Variants in ARHGAP42 observed in about 807,000 individuals in gnomAD.
The protein encoded by ARHGAP42 is Rho GTPase activating protein 42, also known as rho GTPase-activating protein 42.
Under a neutral mutation model 125.0 loss-of-function variants are expected in ARHGAP42, and 63 were observed. The ratio of observed to expected loss-of-function variants is 0.50; its 90% CI spans 0.41 to 0.62. ARHGAP42 has a LOEUF of 0.62. Among genes scored for constraint, ARHGAP42 ranks in the 20% least tolerant of loss-of-function variants. The pLI is 0.00. For missense variants in ARHGAP42, 766 were observed against 1,024.2 expected, an observed-to-expected ratio of 0.75 and a Z score of 3.44; for synonymous variants, 339 against 351.0, an observed-to-expected ratio of 0.97 and a Z score of 0.38.
At chr11:100,963,266 A>G (rs1289511947) in intron 16 of ARHGAP42, among the ~76,000 whole-genome samples, 1 of 152,170 alleles carries the variant, frequency 6.6e-6, no homozygotes, top group Admixed American at 6.5e-5. Flanking sequence ...TAGATCTGTG[A>G]TTGCCGTCAT....
intron 16 of ARHGAP42, among the ~76,000 whole-genome samples, 177 bp from the exon 17 acceptor site, chr11:100,965,494 A>G (rs1431175149): frequency 1.3e-5 from 2 of 152,220 alleles, no homozygotes; most frequent in Non-Finnish European, 2.9e-5. Flanking sequence ...CTTCATGACC[A>G]TGGGCAAGTT....
At chr11:100,730,933 T>TA (rs1861946767) in intron 1 of ARHGAP42, among the ~76,000 whole-genome samples, 1 of 152,168 alleles carries the variant, frequency 6.6e-6, no homozygotes, top group African/African-American at 2.4e-5. Flanking sequence ...ACAGTAAAAA[T>TA]ACAATATTAT....
intron 1 of ARHGAP42, among the ~76,000 whole-genome samples, chr11:100,702,172 C>T (rs1861408890): frequency 6.6e-6 from 1 of 151,966 alleles, no homozygotes; most frequent in African/African-American, 2.4e-5. Flanking sequence ...GAGAGACATG[C>T]AAATCTTCCT....
intron 3 of ARHGAP42, among the ~76,000 whole-genome samples, chr11:100,799,379 G>A (rs1005490369): frequency 5.3e-5 from 8 of 152,204 alleles, no homozygotes; most frequent in African/African-American, 1.7e-4. Flanking sequence ...TTCTGGTGGG[G>A]CAAAGAAAGG....
intron 4 of ARHGAP42, among the ~76,000 whole-genome samples, chr11:100,893,052 GT>G (rs1866259473): frequency 6.6e-6 from 1 of 152,036 alleles, no homozygotes; most frequent in Admixed American, 6.6e-5. Flanking sequence ...TGCTCATCAT[GT>G]ATTCATCAGA....
At chr11:100,754,744 C>T (rs1459073688) in intron 1 of ARHGAP42, among the ~76,000 whole-genome samples, 1 of 152,196 alleles carries the variant, frequency 6.6e-6, no homozygotes, top group Non-Finnish European at 1.5e-5. Context: ...CCATTCTAAA[C>T]TCCTACCCCT....
chr11:100,884,538 G>T (rs1866037956), intron 4 of ARHGAP42, among the ~76,000 whole-genome samples: 2 of 151,930 alleles, frequency 1.3e-5, no homozygotes, highest in African/African-American at 2.4e-5. Context: ...TAGCAAATTG[G>T]TACAAAATGA....
chr11:100,919,962 G>A (rs757677833), intron 5 of ARHGAP42, among the ~76,000 whole-genome samples: 6 of 152,178 alleles, frequency 3.9e-5, no homozygotes, highest in Non-Finnish European at 8.8e-5. Context: ...AAGACAGCCA[G>A]TTGTTAAACA....
intron 4 of ARHGAP42, among the ~76,000 whole-genome samples, chr11:100,877,951 G>A (rs1323048252): frequency 1.4e-5 from 2 of 145,736 alleles, no homozygotes; most frequent in Non-Finnish European, 3.0e-5. Context: ...ATTGCAGTGA[G>A]CCGAGATCAT....
intron 1 of ARHGAP42, among the ~76,000 whole-genome samples, chr11:100,718,501 A>G (rs1341662961): frequency 6.6e-6 from 1 of 152,248 alleles, no homozygotes; most frequent in African/African-American, 2.4e-5. Flanking sequence ...AGATAAACAA[A>G]TTTGAAACAG....
At chr11:100,783,000 G>T (rs1219253330) in intron 2 of ARHGAP42, among the ~76,000 whole-genome samples, 2 of 152,184 alleles carry the variant, frequency 1.3e-5, no homozygotes, top group Non-Finnish European at 2.9e-5. Context: ...ACAATCAACT[G>T]TGGGGAGCCT....
chr11:100,792,758 T>C (rs1478984266), intron 2 of ARHGAP42, among the ~76,000 whole-genome samples: 4 of 40,554 alleles, frequency 9.9e-5, no homozygotes, highest in Non-Finnish European at 3.1e-4. Flanking sequence ...TTTTCTTTTT[T>C]TTTTTTTTTT....
At chr11:100,785,068 G>T (rs887961837) in intron 2 of ARHGAP42, among the ~76,000 whole-genome samples, 1 of 152,090 alleles carries the variant, frequency 6.6e-6, no homozygotes, top group Non-Finnish European at 1.5e-5. Context: ...GAGCTAGTTT[G>T]CAGACCAAGA....
At chr11:100,903,709 A>AAAAAAAAAAAATAT (rs1332890022) in intron 4 of ARHGAP42, among the ~76,000 whole-genome samples, 58 of 63,464 alleles carry the variant, frequency 9.1e-4, no homozygotes, top group Non-Finnish European at 1.2e-3. Context: ...TGTCCCTCAA[A>AAAAAAAAAAAATAT]ATATATATAT....
At chr11:100,983,270 AT>A (rs1381889708) in intron 22 of ARHGAP42, among the ~76,000 whole-genome samples, 2 of 152,256 alleles carry the variant, frequency 1.3e-5, no homozygotes, top group African/African-American at 4.8e-5. Context: ...AGCCTATTAC[AT>A]ATTAGCACAA....
In ARHGAP42 at chr11:100,871,016, C is replaced by T. The variant is rs1322649694; in HGVS notation, c.384+11391C>T. On this transcript the variant is annotated intron_variant, in intron 4 of 23. Transcript: ENST00000298815. ...ACTTTTGTACACCTTATAATCTATTCTTTGGTACTGTTGTAAATAAATTGT... is the reference window on the plus strand; with the variant it reads ...ACTTTTGTACACCTTATAATCTATTTTTTGGTACTGTTGTAAATAAATTGT... Among the ~76,000 whole-genome samples the T allele has an allele frequency of 2.0e-5, 3 of 150,458 alleles. No homozygotes were observed. The East Asian group carries it at 5.9e-4, about 29-fold the overall frequency.
intron 8 of ARHGAP42, among the ~76,000 whole-genome samples, chr11:100,940,502 A>G (rs1236041305): frequency 1.3e-5 from 2 of 152,142 alleles, no homozygotes; most frequent in East Asian, 1.9e-4. Context: ...GAAACATTGA[A>G]CTACCAATGC....
At chr11:100,806,821 A>ATTTGTTTG (rs1186533000) in intron 3 of ARHGAP42, among the ~76,000 whole-genome samples, 12 of 141,760 alleles carry the variant, frequency 8.5e-5, no homozygotes, top group African/African-American at 3.0e-4. Flanking sequence ...TAAATTTTTT[A>ATTTGTTTG]TTTGTTTGTT....
chr11:100,808,055 A>C (rs570295459), intron 3 of ARHGAP42, among the ~76,000 whole-genome samples: 1 of 80,814 alleles, frequency 1.2e-5, no homozygotes, highest in Non-Finnish European at 2.6e-5. Flanking sequence ...GAGGCACTCA[A>C]TTTTAAAGGA....
Sources: allele counts gnomAD v4.1 joint callset (sites outside exome capture counted in the v4.1 genomes callset), GRCh38; gene constraint gnomAD v4.1.1; transcripts MANE v1.5; gene names NCBI Gene and HGNC (gene_info 2026-07-23, HGNC 2026-07-21).